Variants in FSHR observed in about 807,000 individuals in gnomAD.
FSHR encodes the protein follicle-stimulating hormone receptor.
A neutral mutation model predicts 52.1 loss-of-function variants in FSHR; 46 were observed. The observed-to-expected ratio is 0.88, with a 90% CI of 0.70 to 1.13. FSHR has a LOEUF of 1.13. Among genes scored for constraint, FSHR ranks in the 50% most tolerant of loss-of-function variants. The pLI is 0.00. For missense variants in FSHR, 964 were observed against 834.6 expected, an observed-to-expected ratio of 1.16 and a Z score of -1.91; for synonymous variants, 399 against 309.6, an observed-to-expected ratio of 1.29 and a Z score of -3.03.
intron 1 of FSHR, among the ~76,000 whole-genome samples, chr2:49,125,733 T>C (rs1671973694): frequency 6.6e-6 from 1 of 152,214 alleles, no homozygotes; most frequent in Non-Finnish European, 1.5e-5. Flanking sequence ...AGGACTGTTG[T>C]TGTTTGTAAA....
intron 1 of FSHR, among the ~76,000 whole-genome samples, chr2:49,074,563 G>C (rs1264281547): frequency 6.6e-6 from 1 of 152,120 alleles, no homozygotes; most frequent in Non-Finnish European, 1.5e-5. Flanking sequence ...AAATACTGTT[G>C]CTGGGAAAAT....
intron 1 of FSHR, among the ~76,000 whole-genome samples, chr2:49,122,124 G>C (rs1196049828): frequency 1.3e-5 from 2 of 152,178 alleles, no homozygotes; most frequent in African/African-American, 4.8e-5. Flanking sequence ...GGTGGTGAGA[G>C]AGGTGAACTT....
rs895070622 is a variant in FSHR, at chr2:49,061,777, T to C, written c.224+6442A>G. The stretch of plus-strand genomic sequence containing the variant: ...ATTTATATATAACTATATATAACTC[T>C]ATATATTCATATATAACTATATAGT... On this transcript the variant is annotated intron_variant, in intron 2 of 9. Transcript: ENST00000406846. 3.3e-4 allele frequency among the ~76,000 whole-genome samples: 47 copies of C among 141,464 alleles called. 1 individual carries two copies. Among genetic ancestry groups the C allele is most frequent in the South Asian group, 2.1e-3 (10 of 4,668 alleles). The allele number at this position is 141,464 out of a possible 152,430, so 92.8% of individuals were successfully genotyped here.
intron 2 of FSHR, among the ~76,000 whole-genome samples, chr2:49,048,592 TG>T (rs1381363420): frequency 2.6e-5 from 4 of 152,236 alleles, no homozygotes; most frequent in Non-Finnish European, 5.9e-5. Context: ...GCATATTACG[TG>T]TTTATAAAAC....
At chr2:49,085,957 C>A (rs1468719285) in intron 1 of FSHR, among the ~76,000 whole-genome samples, 2 of 147,806 alleles carry the variant, frequency 1.4e-5, no homozygotes, top group African/African-American at 5.1e-5. Context: ...CACACTGGGG[C>A]CTGTTGTGGG....
chr2:49,035,743 T>A (rs1668249378), intron 2 of FSHR, among the ~76,000 whole-genome samples: 1 of 152,234 alleles, frequency 6.6e-6, no homozygotes, highest in East Asian at 1.9e-4. Context: ...CACTCATGGG[T>A]GCTGGTGGTT....
chr2:49,104,448 T>C (rs1671153289), intron 1 of FSHR, among the ~76,000 whole-genome samples: 1 of 152,204 alleles, frequency 6.6e-6, no homozygotes, highest in Admixed American at 6.5e-5. Flanking sequence ...CGGAGAGCCA[T>C]TCTGTTTCCT....
In FSHR at chr2:49,043,913, A is replaced by G. The variant is rs188875771; in HGVS notation, c.225-23753T>C. ...TCTCTTCTTTGATAATGGAAATCCTACTGTCTCCATAAAACCTTCTCTTGC... is the reference window on the plus strand; with the variant it reads ...TCTCTTCTTTGATAATGGAAATCCTGCTGTCTCCATAAAACCTTCTCTTGC... On this transcript the variant is annotated intron_variant, in intron 2 of 9. Coordinates refer to ENST00000406846, the MANE Select transcript of FSHR (RefSeq NM_000145.4). Among the ~76,000 whole-genome samples the G allele has an allele frequency of 3.3e-4, 50 of 152,254 alleles. No homozygotes were observed. The Middle Eastern group carries it at 0.031, about 93-fold the overall frequency.
intron 1 of FSHR, among the ~76,000 whole-genome samples, chr2:49,110,790 C>T (rs2103751879): frequency 6.6e-6 from 1 of 152,238 alleles, no homozygotes; most frequent in South Asian, 2.1e-4. Context: ...TTTCCAGCCC[C>T]CTTGTTCCTG....
intron 2 of FSHR, among the ~76,000 whole-genome samples, chr2:49,053,429 C>G (rs1425183910): frequency 1.3e-5 from 2 of 152,146 alleles, no homozygotes; most frequent in Non-Finnish European, 2.9e-5. Flanking sequence ...CTACTCCCCC[C>G]ACCCTATTCA....
At chr2:49,133,408 C>T (rs142731669) in intron 1 of FSHR, among the ~76,000 whole-genome samples, 691 of 152,040 alleles carry the variant, frequency 4.5e-3, no homozygotes, top group Non-Finnish European at 7.0e-3. Context: ...CACTGCTCAA[C>T]GAAATAAAGA....
intron 1 of FSHR, among the ~76,000 whole-genome samples, chr2:49,116,393 G>T (rs1037685044): frequency 6.6e-6 from 1 of 152,170 alleles, no homozygotes; most frequent in African/African-American, 2.4e-5. Context: ...GTAAGGTGGA[G>T]GATGTGGGCT....
intron 1 of FSHR, among the ~76,000 whole-genome samples, chr2:49,106,413 A>G (rs527482835): frequency 1.3e-5 from 2 of 152,282 alleles, no homozygotes; most frequent in African/African-American, 4.8e-5. Flanking sequence ...ATATGAGTGC[A>G]TGGGGGAAGG....
chr2:49,107,493 G>T (rs939292926), intron 1 of FSHR, among the ~76,000 whole-genome samples: 2 of 151,992 alleles, frequency 1.3e-5, no homozygotes, highest in Non-Finnish European at 2.9e-5. Flanking sequence ...CTCATCTTGT[G>T]TCTTAAAAAT....
At chr2:49,044,975 G>A (rs762995217) in intron 2 of FSHR, among the ~76,000 whole-genome samples, 1 of 152,192 alleles carries the variant, frequency 6.6e-6, no homozygotes, top group African/African-American at 2.4e-5. Context: ...AGCACCAAGA[G>A]AGGGGCTTTT....
chr2:49,098,734 A>G (rs936890830), intron 1 of FSHR, among the ~76,000 whole-genome samples: 1 of 144,138 alleles, frequency 6.9e-6, no homozygotes, highest in African/African-American at 2.5e-5. Context: ...TATTACCCAT[A>G]TATACTTATA....
chr2:49,017,358 C>T (rs1667523692), intron 4 of FSHR, 131 bp downstream of exon 4: 1 of 669,098 alleles, frequency 1.5e-6, no homozygotes, highest in African/African-American at 1.8e-5. Context: ...ATCTCTCCAC[C>T]TCCACTTCTG....
At chr2:49,063,116 T>G (rs1432057017) in intron 2 of FSHR, among the ~76,000 whole-genome samples, 1 of 152,144 alleles carries the variant, frequency 6.6e-6, no homozygotes, top group Non-Finnish European at 1.5e-5. Flanking sequence ...AGGCCCTAAA[T>G]GCCCAGGAGG....
rs60436928 is a variant in FSHR at position 49,103,233 on chromosome 2, A to T, written c.153-34943T>A. ...TGGAAGGAAATAGGAGCCCCTGAGG[A>T]TATCTAGGAAGGGACTGATACAGAA... is the stretch of plus-strand genomic sequence containing the variant. On this transcript the variant is annotated intron_variant, in intron 1 of 9. Coordinates refer to ENST00000406846, the MANE Select transcript of FSHR (RefSeq NM_000145.4). Among the ~76,000 whole-genome samples, 11 of 152,218 alleles carry T rather than the reference A, an allele frequency of 7.2e-5. No homozygotes were observed. The East Asian group carries it at 1.5e-3, about 21-fold the overall frequency.
Sources: allele counts gnomAD v4.1 joint callset (sites outside exome capture counted in the v4.1 genomes callset), GRCh38; gene constraint gnomAD v4.1.1; transcripts MANE v1.5; gene names NCBI Gene and HGNC (gene_info 2026-07-23, HGNC 2026-07-21).